DOCK1: variants seen among roughly 807,000 people sequenced by gnomAD.
DOCK1 encodes dedicator of cytokinesis 1.
In DOCK1, 138 loss-of-function variants were observed where a neutral mutation model predicts 262.7. The observed-to-expected ratio is 0.53, with a 90% CI of 0.46 to 0.61. The LOEUF is 0.61. Among genes scored for constraint, DOCK1 ranks in the 20% least tolerant of loss-of-function variants. The pLI, the probability that DOCK1 is intolerant of heterozygous loss-of-function variation, is 0.00. For synonymous variants in DOCK1, 866 were observed against 867.4 expected, an observed-to-expected ratio of 1.00 and a Z score of 0.03; for missense variants, 1,908 against 2,370.7, an observed-to-expected ratio of 0.80 and a Z score of 4.05.
At chr10:127,362,539 T>C (rs73386508) in intron 33 of DOCK1, among the ~76,000 whole-genome samples, 38,037 of 152,134 alleles carry the variant, frequency 0.25, 4,807 homozygotes, top group African/African-American at 0.29. Flanking sequence ...AATCAAATGT[T>C]ATGTGTTACA....
intron 27 of DOCK1, among the ~76,000 whole-genome samples, chr10:127,217,442 C>G (rs373144262): frequency 1.3e-5 from 2 of 152,206 alleles, no homozygotes; most frequent in African/African-American, 4.8e-5. Flanking sequence ...GTCTGTTCAG[C>G]TTGCTGGACT....
chr10:127,393,328 T>C (rs34481037), intron 38 of DOCK1, among the ~76,000 whole-genome samples: 62,949 of 151,836 alleles, frequency 0.41, 13,287 homozygotes, highest in African/African-American at 0.44. Context: ...GCTCCACTGA[T>C]CCAGCCTGTC....
Position 127,274,596 on chromosome 10 carries a change from A to G in DOCK1, c.3044+17167A>G, listed in dbSNP as rs1590227761. Among the ~76,000 whole-genome samples the G allele has an allele frequency of 2.6e-5, 4 of 152,316 alleles. 1 individual carries two copies. The highest frequency in any genetic ancestry group is 6.8e-3 in the Middle Eastern group (2 of 294). On this transcript the variant is annotated intron_variant, in intron 29 of 51. Coordinates refer to ENST00000623213, the MANE Select transcript of DOCK1 (RefSeq NM_001290223.2). ...GGGGCATGTTTTGCAGGCCACATGA[A>G]CCTGTACAAACTAGATGTAAGAAGT...
chr10:126,937,902 C>G (rs2034662436), intron 1 of DOCK1, among the ~76,000 whole-genome samples: 1 of 152,154 alleles, frequency 6.6e-6, no homozygotes, highest in African/African-American at 2.4e-5. Flanking sequence ...CACTTGAGGT[C>G]ATATCCAATA....
chr10:127,385,159 A>T (rs919109617), intron 38 of DOCK1, among the ~76,000 whole-genome samples: 1 of 152,180 alleles, frequency 6.6e-6, no homozygotes, highest in African/African-American at 2.4e-5. Context: ...TACCAGAGGG[A>T]ACTAAGTCTG....
At chr10:127,236,837 A>G (rs2059085771) in intron 27 of DOCK1, among the ~76,000 whole-genome samples, 1 of 152,082 alleles carries the variant, frequency 6.6e-6, no homozygotes, top group Non-Finnish European at 1.5e-5. Flanking sequence ...AAATATCCTT[A>G]AATACATATC....
intron 29 of DOCK1, among the ~76,000 whole-genome samples, chr10:127,327,560 T>C (rs1473867291): frequency 1.3e-5 from 2 of 152,212 alleles, no homozygotes; most frequent in African/African-American, 4.8e-5. Context: ...GATCTTCTAT[T>C]CACACCACTG....
Position 127,415,246 on chromosome 10 carries a change from T to G in DOCK1, c.4515+8T>G, listed in dbSNP as rs368881485. The G allele has an allele frequency of 3.9e-5, 63 of 1,611,916 alleles. No homozygotes were observed. The highest frequency in any genetic ancestry group is 5.3e-5 in the African/African-American group (4 of 74,934). The stretch of plus-strand genomic sequence containing the variant: ...GTCAAGTCTGTTTTCATGGTAAGGA[T>G]GGCCCCACCCCAGAAGGAATTGTCC... On this transcript the variant is annotated splice_region_variant and intron_variant, in intron 44 of 51. Transcript: ENST00000623213.
At chr10:127,222,850 A>C (rs2058491936) in intron 27 of DOCK1, among the ~76,000 whole-genome samples, 1 of 99,700 alleles carries the variant, frequency 1.0e-5, no homozygotes, top group Admixed American at 1.0e-4. Flanking sequence ...CTTTCTTAAA[A>C]ATTTTTTGTG....
chr10:126,992,638 A>C (rs918359106), intron 6 of DOCK1, among the ~76,000 whole-genome samples: 1 of 152,040 alleles, frequency 6.6e-6, no homozygotes, highest in Non-Finnish European at 1.5e-5. Context: ...GAGGGGTTTG[A>C]GGAGCTGTTT....
At position 127,344,882 on chromosome 10, in the gene DOCK1, GAAGA is replaced by G. The variant is rs1213363521; in HGVS notation, c.3224+1146_3224+1149del. On this transcript the variant is annotated intron_variant, in intron 31 of 51. Transcript: ENST00000623213. Reference sequence around the variant, plus strand: ...CAAGACCCCCTTTCAAAAAAAAAGAGAAGAAAGAAAGAATTATAGTCACGTACTG... The same window carrying G: ...CAAGACCCCCTTTCAAAAAAAAAGAGAAGAAAGAATTATAGTCACGTACTG... 3.9e-5 allele frequency among the ~76,000 whole-genome samples: 6 copies of G among 152,254 alleles called. No homozygotes were observed. The East Asian group carries it at 9.7e-4, about 24-fold the overall frequency.
At chr10:127,139,204 T>C (rs1391156824) in intron 27 of DOCK1, among the ~76,000 whole-genome samples, 1 of 152,186 alleles carries the variant, frequency 6.6e-6, no homozygotes, top group Non-Finnish European at 1.5e-5. Context: ...TTTATAAACA[T>C]GAAATCCTAT....
chr10:127,422,130 C>T (rs2068547231), intron 46 of DOCK1, among the ~76,000 whole-genome samples: 1 of 151,672 alleles, frequency 6.6e-6, no homozygotes, highest in Non-Finnish European at 1.5e-5. Flanking sequence ...TTCTCTGCAC[C>T]CCCAACAAGA....
chr10:127,166,524 C>G (rs1421629285), intron 27 of DOCK1, among the ~76,000 whole-genome samples: 1 of 152,178 alleles, frequency 6.6e-6, no homozygotes, highest in Non-Finnish European at 1.5e-5. Context: ...TATCCAAGCT[C>G]TAGCTTCCTC....
chr10:127,030,850 C>T (rs2043189828), intron 16 of DOCK1, among the ~76,000 whole-genome samples: 1 of 148,550 alleles, frequency 6.7e-6, no homozygotes, highest in South Asian at 2.1e-4. Context: ...CTCTGTCACA[C>T]ACACACATAA....
chr10:126,910,287 C>T (rs2031574935), intron 1 of DOCK1, among the ~76,000 whole-genome samples: 1 of 152,232 alleles, frequency 6.6e-6, no homozygotes, highest in African/African-American at 2.4e-5. Context: ...GGATACCAGA[C>T]ATCTGATCAG....
At chr10:127,267,752 C>T (rs1014949763) in intron 29 of DOCK1, among the ~76,000 whole-genome samples, 6 of 152,262 alleles carry the variant, frequency 3.9e-5, no homozygotes, top group Admixed American at 1.3e-4. Flanking sequence ...AACATCTCTC[C>T]GCACAAAGCA....
chr10:127,326,285 C>A (rs540221248), intron 29 of DOCK1, among the ~76,000 whole-genome samples: 2 of 152,342 alleles, frequency 1.3e-5, no homozygotes, highest in East Asian at 3.9e-4. Flanking sequence ...ATTTTACACA[C>A]ACTAAAACTT....
intron 38 of DOCK1, among the ~76,000 whole-genome samples, chr10:127,386,484 A>G (rs2066128294): frequency 6.6e-6 from 1 of 151,736 alleles, no homozygotes; most frequent in African/African-American, 2.4e-5. Context: ...CTGCCAGATC[A>G]GCAGCACCAT....
Sources: gnomAD v4.1 joint callset for allele counts (sites outside exome capture counted in the v4.1 genomes callset) on GRCh38, gnomAD v4.1.1 for gene constraint, MANE v1.5 for transcripts, NCBI Gene and HGNC (gene_info 2026-07-23, HGNC 2026-07-21) for gene names.